NEK11: variants seen among roughly 807,000 people sequenced by gnomAD.
NEK11 encodes serine/threonine-protein kinase Nek11.
NEK11 carries 72 observed loss-of-function variants against 80.7 expected under a neutral mutation model. The observed-to-expected ratio is 0.89, with a 90% CI of 0.74 to 1.08. The LOEUF is 1.08. Ranked by LOEUF, NEK11 falls within the 50% of genes least tolerant of loss-of-function variation. The pLI, the probability that NEK11 is intolerant of heterozygous loss-of-function variation, is 0.00. For missense variants in NEK11, 764 were observed against 763.6 expected (o/e 1.00, Z -0.01); for synonymous variants, 251 against 260.7 (o/e 0.96, Z 0.36).
intron 15 of NEK11, among the ~76,000 whole-genome samples, chr3:131,233,338 C>T (rs2095370190): frequency 6.6e-6 from 1 of 152,164 alleles, no homozygotes; most frequent in Admixed American, 6.5e-5. Flanking sequence ...TGCATTGGAT[C>T]CCGAAGGTGT....
chr3:131,197,927 A>C (rs1195329265), intron 14 of NEK11, among the ~76,000 whole-genome samples: 1 of 151,972 alleles, frequency 6.6e-6, no homozygotes, highest in Non-Finnish European at 1.5e-5. Context: ...TGATGATGGC[A>C]GTGTAAGACT....
chr3:131,115,810 G>A (rs912633867), intron 5 of NEK11, among the ~76,000 whole-genome samples: 26 of 152,052 alleles, frequency 1.7e-4, no homozygotes, highest in African/African-American at 6.0e-4. Context: ...ACTCCAAGAC[G>A]GCTTCCTCAT....
chr3:131,135,700 G>A (rs987258927), intron 7 of NEK11, among the ~76,000 whole-genome samples: 9 of 151,860 alleles, frequency 5.9e-5, no homozygotes, highest in African/African-American at 2.2e-4. Context: ...TTTTAAAATA[G>A]ATTCAAATAT....
chr3:131,316,634 CTTTG>C (rs1469406999), intron 17 of NEK11, among the ~76,000 whole-genome samples: 1 of 146,248 alleles, frequency 6.8e-6, no homozygotes, highest in Non-Finnish European at 1.5e-5. Context: ...TTTTGTTTTT[CTTTG>C]TTTTTGCTTT....
intron 17 of NEK11, among the ~76,000 whole-genome samples, chr3:131,336,232 C>T (rs2097181543): frequency 6.6e-6 from 1 of 152,164 alleles, no homozygotes; most frequent in South Asian, 2.1e-4. Flanking sequence ...TACAAGGTTA[C>T]AGTAACCAAA....
chr3:131,174,511 T>C (rs928443494), intron 14 of NEK11, among the ~76,000 whole-genome samples: 3 of 152,196 alleles, frequency 2.0e-5, no homozygotes, highest in African/African-American at 7.2e-5. Flanking sequence ...CTCTGGCATA[T>C]GAGGAGTTAG....
At chr3:131,268,005 G>A (rs2096095976) in intron 16 of NEK11, among the ~76,000 whole-genome samples, 1 of 151,964 alleles carries the variant, frequency 6.6e-6, no homozygotes, top group African/African-American at 2.4e-5. Flanking sequence ...TTGTCTTCAT[G>A]CTTTATTTCA....
chr3:131,127,156 G>T (rs1330596863), intron 5 of NEK11, among the ~76,000 whole-genome samples: 1 of 151,480 alleles, frequency 6.6e-6, no homozygotes, highest in Non-Finnish European at 1.5e-5. Context: ...AGCAGAGATG[G>T]GCTTCATCAT....
chr3:131,253,889 T>C (rs2095755573), intron 16 of NEK11, among the ~76,000 whole-genome samples: 1 of 152,214 alleles, frequency 6.6e-6, no homozygotes, highest in African/African-American at 2.4e-5. Context: ...TTAACACCAA[T>C]ATACATAATG....
chr3:131,295,235 G>A (rs2096581320), intron 17 of NEK11, among the ~76,000 whole-genome samples: 1 of 151,568 alleles, frequency 6.6e-6, no homozygotes, highest in South Asian at 2.1e-4. Flanking sequence ...TGAATAGTCA[G>A]TATAGGTTGA....
rs748759792 is a variant in NEK11, at chr3:131,162,551, C to T, written c.1082+24C>T. 16 of 1,613,140 alleles carry T rather than the reference C, an allele frequency of 9.9e-6. No individual in the cohort carries two copies. The African/African-American group carries it at 1.9e-4, about 19-fold the overall frequency. Reference sequence around the variant, plus strand: ...AAGTAAGCTGCTTTTCCTTTAGGCACTCATGCTCGGGACTACTTCTCAGGG... The same window carrying T: ...AAGTAAGCTGCTTTTCCTTTAGGCATTCATGCTCGGGACTACTTCTCAGGG... On this transcript the variant is annotated intron_variant, in intron 11 of 17. Coordinates refer to ENST00000383366, the MANE Select transcript of NEK11 (RefSeq NM_024800.5).
chr3:131,185,617 A>G (rs974821830), intron 14 of NEK11, among the ~76,000 whole-genome samples: 1 of 152,168 alleles, frequency 6.6e-6, no homozygotes. Context: ...CTAATCATCA[A>G]ATTCTTGAAA....
At chr3:131,084,429 A>G (rs1007702033) in intron 4 of NEK11, among the ~76,000 whole-genome samples, 14 of 152,196 alleles carry the variant, frequency 9.2e-5, no homozygotes, top group Non-Finnish European at 1.6e-4. Flanking sequence ...GTATATGTTA[A>G]AAGTATTTTG....
At chr3:131,087,556 A>G (rs1266221243) in intron 4 of NEK11, among the ~76,000 whole-genome samples, 1 of 152,146 alleles carries the variant, frequency 6.6e-6, no homozygotes, top group East Asian at 1.9e-4. Context: ...ATTCTTAACC[A>G]CTAATAGGCC....
intron 7 of NEK11, among the ~76,000 whole-genome samples, chr3:131,142,978 G>A (rs909020572): frequency 2.4e-4 from 37 of 152,084 alleles, no homozygotes; most frequent in Admixed American, 1.8e-3. Context: ...TTTATGGGTC[G>A]TATTCCCTAA....
chr3:131,193,198 C>CT (rs35955320), intron 14 of NEK11, among the ~76,000 whole-genome samples: 3 of 151,516 alleles, frequency 2.0e-5, no homozygotes, highest in South Asian at 2.1e-4. Flanking sequence ...ACATTTTTAC[C>CT]TTTTTTTTAG....
chr3:131,317,794 GA>G (rs2096856654), intron 17 of NEK11, among the ~76,000 whole-genome samples: 1 of 125,224 alleles, frequency 8.0e-6, no homozygotes, highest in South Asian at 2.9e-4. Flanking sequence ...AGGAGGAGGA[GA>G]GAAGGAGGAG....
At chr3:131,295,393 T>C (rs554765133) in intron 17 of NEK11, among the ~76,000 whole-genome samples, 1 of 152,128 alleles carries the variant, frequency 6.6e-6, no homozygotes, top group Non-Finnish European at 1.5e-5. Flanking sequence ...TTGAACTTCA[T>C]GGTGGTGCTC....
At chr3:131,313,094 G>A (rs753449803) in intron 17 of NEK11, among the ~76,000 whole-genome samples, 1 of 152,022 alleles carries the variant, frequency 6.6e-6, no homozygotes, top group Admixed American at 6.6e-5. Flanking sequence ...TTCTATTACT[G>A]TGTTAGTTCA....
Sources: gnomAD v4.1 joint callset for allele counts (sites outside exome capture counted in the v4.1 genomes callset) on GRCh38, gnomAD v4.1.1 for gene constraint, MANE v1.5 for transcripts, NCBI Gene and HGNC (gene_info 2026-07-23, HGNC 2026-07-21) for gene names.